The following FBLN1 variants were observed in gnomAD, a reference collection of about 807,000 sequenced individuals.
FBLN1 encodes fibulin-1.
In FBLN1, 34 loss-of-function variants were observed where a neutral mutation model predicts 89.7. The ratio of observed to expected loss-of-function variants is 0.38; its 90% CI spans 0.29 to 0.50. The LOEUF is 0.50. Ranked by LOEUF, FBLN1 falls within the 20% of genes least tolerant of loss-of-function variation. The probability of loss-of-function intolerance (pLI) is 0.92; values close to 1 mark genes in which losing one functional copy is unlikely to be tolerated. For missense variants in FBLN1, 777 were observed against 988.1 expected (o/e 0.79, Z 2.86); for synonymous variants, 393 against 391.3 (o/e 1.00, Z -0.05).
At chr22:45,519,171 C>A (rs1166698745) in intron 2 of FBLN1, among the ~76,000 whole-genome samples, 1 of 152,176 alleles carries the variant, frequency 6.6e-6, no homozygotes, top group Non-Finnish European at 1.5e-5. Context: ...CACCTACAGA[C>A]CCCAAAAATG....
chr22:45,598,917 G>T (rs908349215), intron 16 of FBLN1, among the ~76,000 whole-genome samples: 7 of 152,232 alleles, frequency 4.6e-5, no homozygotes, highest in Non-Finnish European at 1.0e-4. Flanking sequence ...CCTCTCCGCA[G>T]TGCAGTGAGG....
chr22:45,598,225 A>C (rs1309689243), intron 16 of FBLN1, among the ~76,000 whole-genome samples: 1 of 152,170 alleles, frequency 6.6e-6, no homozygotes, highest in African/African-American at 2.4e-5. Context: ...CACCGTTCAC[A>C]CTGCTCACAC....
Position 45,550,941 on chromosome 22 carries a change from C to T in FBLN1, c.1697+326C>T, listed in dbSNP as rs2088693635. 2 of 425,536 alleles carry T rather than the reference C, an allele frequency of 4.7e-6. No homozygotes were observed. Among genetic ancestry groups the T allele is most frequent in the South Asian group, 2.1e-5 (1 of 46,736 alleles). The allele number at this position is 425,536 out of a possible 1,614,324, so 26.4% of individuals were successfully genotyped here. On this transcript the variant is annotated intron_variant, in intron 14 of 16. Transcript: ENST00000327858. The surrounding 1 kb of genome is among the most constrained non-coding windows in gnomAD (Gnocchi z 8.4). ...CAAGCTCTCTGGGCCTCAGTTTCCT[C>T]ATCTGTAACATGCAGATGTCAGAAC...
At chr22:45,541,091 C>T in intron 8 of FBLN1, 138 bp from the exon 9 acceptor site, 1 of 1,112,874 alleles carries the variant, frequency 9.0e-7, no homozygotes, top group Non-Finnish European at 1.4e-6. Context: ...GCTGTGTGGT[C>T]CAGAGTGAGG....
chr22:45,566,127 A>G (rs1355809968), intron 14 of FBLN1, among the ~76,000 whole-genome samples: 2 of 152,154 alleles, frequency 1.3e-5, no homozygotes, highest in African/African-American at 2.4e-5. Flanking sequence ...TTCTTGTCCT[A>G]TTCAGGCATC....
In FBLN1 at chr22:45,556,012, T is replaced by C. The variant is rs1265311773; in HGVS notation, c.1697+5397T>C. ...TGATTGTTTTTTGTTTGTGTGTTTT[T>C]TAAGACAGAGTCTCCCTCTGTTGCC... On this transcript the variant is annotated intron_variant, in intron 14 of 16. Coordinates refer to ENST00000327858, the MANE Select transcript of FBLN1 (RefSeq NM_006486.3). The surrounding 1 kb of genome is among the most constrained non-coding windows in gnomAD (Gnocchi z 4.6). Among the ~76,000 whole-genome samples, 2 of 152,230 alleles carry C rather than the reference T, an allele frequency of 1.3e-5. No homozygotes were observed. Among genetic ancestry groups the C allele is most frequent in the African/African-American group, 4.8e-5 (2 of 41,472 alleles).
intron 16 of FBLN1, among the ~76,000 whole-genome samples, chr22:45,593,156 A>AC (rs150171236): frequency 0.025 from 3,279 of 133,608 alleles, 116 homozygotes; most frequent in African/African-American, 0.083. Flanking sequence ...AGGCAGAGAG[A>AC]CCCCCCCCAC....
At chr22:45,541,136 G>T in intron 8 of FBLN1, 93 bp from the exon 9 acceptor site, 1 of 1,530,236 alleles carries the variant, frequency 6.5e-7, no homozygotes. Flanking sequence ...TTTGCAAAGA[G>T]GTGGGAAGGG....
chr22:45,582,062 A>G (rs2089046623), intron 16 of FBLN1, among the ~76,000 whole-genome samples: 1 of 152,100 alleles, frequency 6.6e-6, no homozygotes, highest in Non-Finnish European at 1.5e-5. Flanking sequence ...TTGAGGTTGT[A>G]CCCACTCAGC....
At chr22:45,546,437 A>C (rs1022342685) in intron 11 of FBLN1, among the ~76,000 whole-genome samples, 1 of 152,184 alleles carries the variant, frequency 6.6e-6, no homozygotes, top group Non-Finnish European at 1.5e-5. Flanking sequence ...GCTGGTCTCG[A>C]ACCCCTGACC....
Position 45,563,940 on chromosome 22 carries a change from C to T in FBLN1, c.1698-10571C>T, listed in dbSNP as rs1311677618. 2.0e-5 allele frequency among the ~76,000 whole-genome samples: 3 copies of T among 152,186 alleles called. No individual in the cohort carries two copies. The highest frequency in any genetic ancestry group is 1.9e-4 in the East Asian group (1 of 5,188). ...GATGCAGCTCTTGCCTCAGTGAAGTCGTTTTGCCCCCACTGAGGATCCTGG... is the reference window on the plus strand; with the variant it reads ...GATGCAGCTCTTGCCTCAGTGAAGTTGTTTTGCCCCCACTGAGGATCCTGG... On this transcript the variant is annotated intron_variant, in intron 14 of 16. Transcript: ENST00000327858. This position sits in a 1 kb window ranked among gnomAD's most constrained non-coding sequence, Gnocchi z 5.7.
rs180718408 is a variant in FBLN1 at position 45,530,849 on chromosome 22, C to T, written c.485-416C>T. ...TGTGATCTTGACTCACTGCAACCTC[C>T]GACTCCTGAGTTCAAGCGATTATCC... On this transcript the variant is annotated intron_variant, in intron 4 of 16. Coordinates refer to ENST00000327858, the MANE Select transcript of FBLN1 (RefSeq NM_006486.3). This position sits in a 1 kb window ranked among gnomAD's most constrained non-coding sequence, Gnocchi z 5.4. Among the ~76,000 whole-genome samples, 521 of 152,170 alleles carry T rather than the reference C, an allele frequency of 3.4e-3. 1 individual carries two copies. The highest frequency in any genetic ancestry group is 0.011 in the African/African-American group (464 of 41,482).
At chr22:45,594,786 A>T (rs1289703409) in intron 16 of FBLN1, among the ~76,000 whole-genome samples, 4 of 149,782 alleles carry the variant, frequency 2.7e-5, no homozygotes, top group Admixed American at 1.3e-4. Flanking sequence ...GGTTGGGTTG[A>T]TGGGTGGGTG....
rs554311417 is a variant in FBLN1 at position 45,586,796 on chromosome 22, A to G, written c.1972+9688A>G. Among the ~76,000 whole-genome samples, 326 of 152,242 alleles carry G rather than the reference A, an allele frequency of 2.1e-3. 1 individual carries two copies. Among genetic ancestry groups the G allele is most frequent in the African/African-American group, 7.3e-3 (303 of 41,550 alleles). On this transcript the variant is annotated intron_variant, in intron 16 of 16. Coordinates refer to ENST00000327858, the MANE Select transcript of FBLN1 (RefSeq NM_006486.3). ...GAATGGGGCCACGTAGGAAAGGGTC[A>G]CATCCATTCACCCTGGAGTCAGCCC...
chr22:45,551,475 C>G (rs1455944984), intron 14 of FBLN1, among the ~76,000 whole-genome samples: 2 of 152,252 alleles, frequency 1.3e-5, no homozygotes, highest in African/African-American at 4.8e-5. Context: ...CTAGGGGCAG[C>G]TGCCCTGGCT....
intron 14 of FBLN1, among the ~76,000 whole-genome samples, chr22:45,553,352 AG>A: frequency 6.6e-6 from 1 of 151,896 alleles, no homozygotes; most frequent in East Asian, 1.9e-4. Context: ...TGGCCTGCTG[AG>A]GGGACATGTC....
chr22:45,564,306 G>T (rs866587751), intron 14 of FBLN1, among the ~76,000 whole-genome samples: 8 of 152,224 alleles, frequency 5.3e-5, no homozygotes, highest in South Asian at 2.1e-4. Flanking sequence ...CTTAGCAGCT[G>T]GAGTGATCTT....
chr22:45,538,070 C>T (rs539613488), intron 8 of FBLN1, among the ~76,000 whole-genome samples: 4 of 152,328 alleles, frequency 2.6e-5, no homozygotes, highest in East Asian at 1.9e-4. Flanking sequence ...GCTCGGGAGC[C>T]GTCCCCTTAC....
chr22:45,541,724 G>T (rs191637648), intron 9 of FBLN1, among the ~76,000 whole-genome samples: 1 of 152,198 alleles, frequency 6.6e-6, no homozygotes, highest in Non-Finnish European at 1.5e-5. Context: ...AGGCAATGTG[G>T]GTCTGCCACT....
Sources: allele counts gnomAD v4.1 joint callset (sites outside exome capture counted in the v4.1 genomes callset), GRCh38; gene constraint gnomAD v4.1.1; non-coding constraint Gnocchi (gnomAD v3.1); transcripts MANE v1.5; gene names NCBI Gene and HGNC (gene_info 2026-07-23, HGNC 2026-07-21).